ASTN2: variants seen among roughly 807,000 people sequenced by gnomAD.
ASTN2 encodes the protein astrotactin-2.
ASTN2 carries 54 observed loss-of-function variants against 139.8 expected under a neutral mutation model. The observed-to-expected ratio is 0.39, with a 90% confidence interval of 0.31 to 0.48. The LOEUF is 0.48. ASTN2 is among the 20% of genes least tolerant of loss of function. ASTN2 has a pLI of 0.95. For missense variants in ASTN2, 1,565 were observed against 1,725.1 expected, an observed-to-expected ratio of 0.91 and a Z score of 1.64; for synonymous variants, 756 against 719.5, an observed-to-expected ratio of 1.05 and a Z score of -0.81.
At chr9:116,741,833 G>A (rs1829103013) in intron 13 of ASTN2, among the ~76,000 whole-genome samples, 1 of 152,200 alleles carries the variant, frequency 6.6e-6, no homozygotes, top group South Asian at 2.1e-4. Flanking sequence ...GCAGCAGTTA[G>A]AAACTGTTCT....
In ASTN2 at chr9:117,310,970, C is replaced by T. The variant is rs112144812; in HGVS notation, c.443-19457G>A. On this transcript the variant is annotated intron_variant, in intron 1 of 22. Coordinates refer to ENST00000313400, the MANE Select transcript of ASTN2 (RefSeq NM_001365068.1). ...CAGAGGTCTCCAATGAGATTGAACC[C>T]CAGTTGCCCACAGCAGTCCTTGATC... 9.6e-3 allele frequency among the ~76,000 whole-genome samples: 1,468 copies of T among 152,176 alleles called. 25 individuals are homozygous for T. Among genetic ancestry groups the T allele is most frequent in the African/African-American group, 0.034 (1,395 of 41,520 alleles).
At chr9:116,572,994 T>C (rs569665632) in intron 19 of ASTN2, among the ~76,000 whole-genome samples, 1 of 143,412 alleles carries the variant, frequency 7.0e-6, no homozygotes, top group Non-Finnish European at 1.5e-5. Flanking sequence ...GGTACATGCG[T>C]GCACACATGT....
intron 13 of ASTN2, among the ~76,000 whole-genome samples, chr9:116,790,959 G>T (rs1313066358): frequency 1.0e-5 from 1 of 99,032 alleles, no homozygotes; most frequent in Non-Finnish European, 2.0e-5. Context: ...AGAAAGAAAA[G>T]AAAGAAGGAA....
chr9:116,713,290 A>C (rs1405572603), intron 16 of ASTN2, among the ~76,000 whole-genome samples: 1 of 152,094 alleles, frequency 6.6e-6, no homozygotes, highest in Non-Finnish European at 1.5e-5. Context: ...GCATCTGTGG[A>C]GTAGGAGGGA....
intron 5 of ASTN2, among the ~76,000 whole-genome samples, chr9:117,050,700 C>T (rs887280206): frequency 6.6e-6 from 1 of 152,102 alleles, no homozygotes; most frequent in African/African-American, 2.4e-5. Flanking sequence ...CTGATCCTGA[C>T]CCTGTGAATG....
chr9:116,940,849 T>G (rs1391987101), intron 10 of ASTN2, among the ~76,000 whole-genome samples: 2 of 152,200 alleles, frequency 1.3e-5, no homozygotes, highest in African/African-American at 4.8e-5. Flanking sequence ...CTACTCATGG[T>G]AAGTGCCCTA....
At chr9:116,611,740 A>G (rs182757798) in intron 19 of ASTN2, 93 of 152,270 alleles carry the variant, frequency 6.1e-4, no homozygotes, top group African/African-American at 2.1e-3. Context: ...ATATCTATTA[A>G]ATAACTAAAT....
At position 116,669,167 on chromosome 9, in the gene ASTN2, C is replaced by T. The variant is rs770335192; in HGVS notation, c.2807-17374G>A. Among the ~76,000 whole-genome samples, 70 of 152,200 alleles carry T rather than the reference C, an allele frequency of 4.6e-4. 1 individual carries two copies. Among genetic ancestry groups the T allele is most frequent in the Non-Finnish European group, 1.0e-4 (7 of 68,044 alleles). Reference sequence around the variant, plus strand: ...CATGGCAACACCTAAAGGTTACTATCTTTTTCCACAGCAACTGTCCCATGA... The same window carrying T: ...CATGGCAACACCTAAAGGTTACTATTTTTTTCCACAGCAACTGTCCCATGA... On this transcript the variant is annotated intron_variant, in intron 16 of 22. Transcript: ENST00000313400.
chr9:117,295,887 C>A (rs1187861129), intron 1 of ASTN2, among the ~76,000 whole-genome samples: 1 of 151,974 alleles, frequency 6.6e-6, no homozygotes, highest in Admixed American at 6.5e-5. Flanking sequence ...GATTCATGTC[C>A]CTCAGAGAGG....
rs531547711 is a variant in ASTN2, at chr9:116,512,020, C to T, written c.3356-24520G>A. On this transcript the variant is annotated intron_variant, in intron 19 of 22. Coordinates refer to ENST00000313400, the MANE Select transcript of ASTN2 (RefSeq NM_001365068.1). ...CTAACTCCTTCAGTCCTGCTCTGAT[C>T]TTAGTTATTTCTTGCCTTCTGCTAG... 5.3e-5 allele frequency among the ~76,000 whole-genome samples: 8 copies of T among 152,174 alleles called. No individual in the cohort carries two copies. The South Asian group carries it at 1.7e-3, about 32-fold the overall frequency.
Position 117,291,314 on chromosome 9 carries a change from C to T in ASTN2, c.630+12G>A, listed in dbSNP as rs1339470018. 1 of 1,613,686 alleles carries T rather than the reference C, an allele frequency of 6.2e-7. No homozygotes were observed. Among genetic ancestry groups the T allele is most frequent in the Non-Finnish European group, 8.5e-7 (1 of 1,179,864 alleles). On this transcript the variant is annotated intron_variant, in intron 2 of 22. Transcript: ENST00000313400. ...CAATCCCCGACCCCGGTCACATCCC[C>T]CCATCACTCACCATCACAGAAATGT... is the stretch of plus-strand genomic sequence containing the variant.
intron 10 of ASTN2, among the ~76,000 whole-genome samples, chr9:116,955,241 T>A (rs904389920): frequency 2.0e-5 from 3 of 152,166 alleles, no homozygotes; most frequent in African/African-American, 7.2e-5. Flanking sequence ...ATGAAATGAG[T>A]TGATGCCCAC....
chr9:117,060,394 GAAA>G lies in ASTN2; in HGVS notation c.1277-20432_1277-20430del, dbSNP rs1564406355. Among the ~76,000 whole-genome samples, 82 of 75,112 alleles carry G rather than the reference GAAA, an allele frequency of 1.1e-3. 4 individuals carry two copies. Among genetic ancestry groups the G allele is most frequent in the African/African-American group, 4.2e-3 (61 of 14,642 alleles). The allele number at this position is 75,112 out of a possible 152,430, so 49.3% of individuals were successfully genotyped here. On this transcript the variant is annotated intron_variant, in intron 5 of 22. Transcript: ENST00000313400. The stretch of plus-strand genomic sequence containing the variant: ...AGAAAGAAAGAAAGAAAGAAAGAAA[GAAA>G]GAAAGAAAGAAAGAAGGAAAGGAAG...
At chr9:117,120,012 GTGTGTGTATATA>G (rs1396469504) in intron 4 of ASTN2, among the ~76,000 whole-genome samples, 3 of 68,786 alleles carry the variant, frequency 4.4e-5, no homozygotes, top group Non-Finnish European at 8.0e-5. Context: ...GTGTGTGTGT[GTGTGTGTATATA>G]TATATATATA....
intron 4 of ASTN2, among the ~76,000 whole-genome samples, chr9:117,111,465 T>G (rs1829248044): frequency 1.4e-5 from 2 of 147,044 alleles, no homozygotes; most frequent in Admixed American, 6.6e-5. Context: ...TGGGCTTAAT[T>G]AAATGAAGAA....
At chr9:117,047,970 A>G (rs1275806620) in intron 5 of ASTN2, among the ~76,000 whole-genome samples, 4 of 152,184 alleles carry the variant, frequency 2.6e-5, no homozygotes, top group Non-Finnish European at 1.5e-5. Context: ...CAGAAACTTC[A>G]TGATATTGTT....
intron 3 of ASTN2, among the ~76,000 whole-genome samples, chr9:117,168,251 C>A (rs766581991): frequency 6.6e-6 from 1 of 152,018 alleles, no homozygotes; most frequent in Non-Finnish European, 1.5e-5. Flanking sequence ...ATGGGAAGAA[C>A]CAAGAAAATT....
chr9:117,289,675 G>A (rs1209684652), intron 2 of ASTN2, among the ~76,000 whole-genome samples: 1 of 152,160 alleles, frequency 6.6e-6, no homozygotes, highest in Admixed American at 6.5e-5. Flanking sequence ...ACATTAGATG[G>A]TGTCCCACAC....
rs540894332 is a variant in ASTN2, at chr9:116,598,688, A to G, written c.3355+19636T>C. ...ATTGTGAGAATTAAATGAGCTTAAC[A>G]TGGCATCTCTACTTTATTCATTCAG... On this transcript the variant is annotated intron_variant, in intron 19 of 22. Transcript: ENST00000313400. Among the ~76,000 whole-genome samples, 23 of 152,354 alleles carry G rather than the reference A, an allele frequency of 1.5e-4. No individual in the cohort carries two copies. The Middle Eastern group carries it at 0.017, about 113-fold the overall frequency.
Sources: allele counts gnomAD v4.1 joint callset (sites outside exome capture counted in the v4.1 genomes callset), GRCh38; gene constraint gnomAD v4.1.1; transcripts MANE v1.5; gene names NCBI Gene and HGNC (gene_info 2026-07-23, HGNC 2026-07-21).